UNC5CL: variants seen among roughly 807,000 people sequenced by gnomAD.
UNC5CL encodes unc-5 family C-terminal like.
A neutral mutation model predicts 54.1 loss-of-function variants in UNC5CL; 42 were observed. The ratio of observed to expected loss-of-function variants is 0.78; its 90% CI spans 0.61 to 1.00. The LOEUF (loss-of-function observed/expected upper bound fraction) is 1.00, where lower values mean the gene tolerates loss of function less well. UNC5CL is among the 50% of genes least tolerant of loss of function. UNC5CL has a pLI of 0.00. For missense variants in UNC5CL, 619 were observed against 675.6 expected (o/e 0.92, Z 0.93); for synonymous variants, 285 against 285.1 (o/e 1.00, Z 0.00).
At chr6:41,031,952 A>G in intron 5 of UNC5CL, 84 bp downstream of exon 5, 1 of 1,424,100 alleles carries the variant, frequency 7.0e-7, no homozygotes, top group Non-Finnish European at 9.9e-7. Context: ...GGGTCTGCAG[A>G]GCTCCAGGGT....
chr6:41,028,706 T>A lies in UNC5CL; in HGVS notation c.1335-111A>T. On this transcript the variant is annotated intron_variant, in intron 8 of 8. Coordinates refer to ENST00000244565, the MANE Select transcript of UNC5CL (RefSeq NM_173561.3). The surrounding 1 kb of genome is among the most constrained non-coding windows in gnomAD (Gnocchi z 4.3). The stretch of plus-strand genomic sequence containing the variant: ...CAAGGTCCGTCCCTTCCCCATCCTG[T>A]AGCTTTTGTCCTTGTCCTGCTCTTG... 1 of 1,036,782 alleles carries A rather than the reference T, an allele frequency of 9.6e-7. No homozygotes were observed. The highest frequency in any genetic ancestry group is 1.4e-6 in the Non-Finnish European group (1 of 723,022). The allele number at this position is 1,036,782 out of a possible 1,614,324, so 64.2% of individuals were successfully genotyped here.
At chr6:41,038,028 T>C (rs1342182391) in intron 1 of UNC5CL, among the ~76,000 whole-genome samples, 1 of 152,120 alleles carries the variant, frequency 6.6e-6, no homozygotes, top group Non-Finnish European at 1.5e-5. Flanking sequence ...ACAGTGAAGA[T>C]GGATAGGGAA....
intron 2 of UNC5CL, 82 bp downstream of exon 2, chr6:41,034,608 A>T: frequency 1.3e-6 from 2 of 1,499,032 alleles, no homozygotes; most frequent in East Asian, 2.3e-5. Flanking sequence ...AAAGGTGTCT[A>T]TGAACATTGC....
chr6:41,031,557 A>G (rs1762452752), intron 6 of UNC5CL, 124 bp downstream of exon 6: 7 of 949,850 alleles, frequency 7.4e-6, no homozygotes, highest in Non-Finnish European at 1.0e-5. Flanking sequence ...TGGGGGCTCT[A>G]TGGAAAGTGC....
intron 1 of UNC5CL, among the ~76,000 whole-genome samples, chr6:41,038,098 G>A: frequency 6.6e-6 from 1 of 152,186 alleles, no homozygotes; most frequent in South Asian, 2.1e-4. Context: ...GACTTCCAGA[G>A]ATACCCCCTT....
At position 41,028,643 on chromosome 6, in the gene UNC5CL, G is replaced by C; in HGVS notation, c.1335-48C>G. The C allele has an allele frequency of 6.4e-7, 1 of 1,550,694 alleles. No homozygotes were observed. The highest frequency in any genetic ancestry group is 8.8e-7 in the Non-Finnish European group (1 of 1,137,332). On this transcript the variant is annotated intron_variant, in intron 8 of 8. Transcript: ENST00000244565. The surrounding 1 kb of genome is among the most constrained non-coding windows in gnomAD (Gnocchi z 4.3). ...GAGAAGGGTGTAGGAGCAGGGAGGGGCTCCCCCCCTGCTGCAGGCTCCCTG... is the reference window on the plus strand; with the variant it reads ...GAGAAGGGTGTAGGAGCAGGGAGGGCCTCCCCCCCTGCTGCAGGCTCCCTG...
rs530712626 is a variant in UNC5CL at position 41,035,104 on chromosome 6, C to T, written c.-30G>A. 13 of 1,532,104 alleles carry T rather than the reference C, an allele frequency of 8.5e-6. No homozygotes were observed. The highest frequency in any genetic ancestry group is 2.0e-5 in the Admixed American group (1 of 51,188). 94.9% of individuals were successfully genotyped at this position (1,532,104 alleles called of 1,614,324 possible). On this transcript the variant is annotated 5_prime_UTR_variant, in exon 2 of 9. Coordinates refer to ENST00000244565, the MANE Select transcript of UNC5CL (RefSeq NM_173561.3). The stretch of plus-strand genomic sequence containing the variant: ...CTGGTTACTCAATGCCGCTGGCTCT[C>T]CTTCACCCCTGTGCCAGCCAAAGCC...
chr6:41,028,726 C>T lies in UNC5CL; in HGVS notation c.1335-131G>A. On this transcript the variant is annotated intron_variant, in intron 8 of 8. Transcript: ENST00000244565. The surrounding 1 kb of genome is among the most constrained non-coding windows in gnomAD (Gnocchi z 4.3). ...TCCTGTAGCTTTTGTCCTTGTCCTGCTCTTGCCTGCCTTCCAGGGCACAGG... is the reference window on the plus strand; with the variant it reads ...TCCTGTAGCTTTTGTCCTTGTCCTGTTCTTGCCTGCCTTCCAGGGCACAGG... The T allele has an allele frequency of 1.2e-6, 1 of 854,320 alleles. No individual in the cohort carries two copies. The highest frequency in any genetic ancestry group is 1.8e-6 in the Non-Finnish European group (1 of 566,978). 52.9% of individuals were successfully genotyped at this position (854,320 alleles called of 1,614,324 possible).
chr6:41,033,920 G>T lies in UNC5CL; in HGVS notation c.647C>A (p.Ala216Asp). The T allele has an allele frequency of 1.2e-6, 2 of 1,613,872 alleles. No individual in the cohort carries two copies. The highest frequency in any genetic ancestry group is 1.7e-6 in the Non-Finnish European group (2 of 1,179,862). Reference protein sequence around the residue: ...WRPLGRPGAHASRDECRIHLS... With the variant: ...WRPLGRPGAHDSRDECRIHLS... ...GTGGATGCGACACTCATCCCGGGAG[G>T]CGTGGGCCCCCGGCCGCCCCAGGGG... Residue 216 changes from alanine (A) to aspartate (D), a missense_variant, in exon 3 of 9, where the codon GCC becomes GAC. Coordinates refer to ENST00000244565, the MANE Select transcript of UNC5CL (RefSeq NM_173561.3).
Position 41,034,947 on chromosome 6 carries a change from C to A in UNC5CL, c.128G>T (p.Cys43Phe). ...WHCPRRLLGACWTLNGQEEPV... is the reference protein window; with the variant it reads ...WHCPRRLLGAFWTLNGQEEPV... ...TTCCTCTTGACCATTCAGTGTCCAG[C>A]AGGCCCCCAGCAGCCTTCTAGGGCA... The change falls in exon 2 of 9, where the codon TGC (cysteine) becomes TTC (phenylalanine). Residue 43 changes from cysteine to phenylalanine, a missense_variant. Physicochemically the swap from Cys to Phe is radical, Grantham distance 205. Transcript: ENST00000244565. The A allele has an allele frequency of 6.2e-7, 1 of 1,613,982 alleles. No individual in the cohort carries two copies. Among genetic ancestry groups the A allele is most frequent in the Non-Finnish European group, 8.5e-7 (1 of 1,179,882 alleles).
At position 41,029,371 on chromosome 6, in the gene UNC5CL, C is replaced by T. The variant is rs989269144; in HGVS notation, c.1335-776G>A. On this transcript the variant is annotated intron_variant, in intron 8 of 8. Coordinates refer to ENST00000244565, the MANE Select transcript of UNC5CL (RefSeq NM_173561.3). This position sits in a 1 kb window ranked among gnomAD's most constrained non-coding sequence, Gnocchi z 4.1. ...TCAGTTCAGACTTCTGGTCATAACG[C>T]CCGCAGTTCATTATTATTCTTGCTT... Among the ~76,000 whole-genome samples the T allele has an allele frequency of 3.3e-5, 5 of 152,226 alleles. No homozygotes were observed. Among genetic ancestry groups the T allele is most frequent in the East Asian group, 1.9e-4 (1 of 5,194 alleles).
In UNC5CL at chr6:41,028,395, A is replaced by G; in HGVS notation, c.1535T>C (p.Leu512Pro). ...ERGGARDNQG[L>P]ELDEKL Reference sequence around the variant, plus strand: ...CGCTCAGAGCTTCTCGTCCAGCTCCAGGCCCTGGTTATCCCGGGCGCCCCC... The same window carrying G: ...CGCTCAGAGCTTCTCGTCCAGCTCCGGGCCCTGGTTATCCCGGGCGCCCCC... Residue 512 changes from leucine (L) to proline (P), a missense_variant, in exon 9 of 9, where the codon CTG becomes CCG. Transcript: ENST00000244565. This position sits in a 1 kb window ranked among gnomAD's most constrained non-coding sequence, Gnocchi z 4.3. The G allele has an allele frequency of 6.3e-7, 1 of 1,598,226 alleles. No homozygotes were observed. Among genetic ancestry groups the G allele is most frequent in the Non-Finnish European group, 8.5e-7 (1 of 1,172,566 alleles).
chr6:41,032,859 T>A, intron 4 of UNC5CL, 25 bp downstream of exon 4: 2 of 1,568,370 alleles, frequency 1.3e-6, no homozygotes, highest in Non-Finnish European at 1.7e-6. Context: ...GATCATCCTA[T>A]CCCACAGGCC....
At chr6:41,038,662 C>A (rs527417999) in intron 1 of UNC5CL, among the ~76,000 whole-genome samples, 22 of 152,326 alleles carry the variant, frequency 1.4e-4, no homozygotes, top group Admixed American at 1.4e-3. Context: ...ACCCACTCCT[C>A]CAGTCTGTCT....
Position 41,030,395 on chromosome 6 carries a change from T to C in UNC5CL, c.1327A>G (p.Lys443Glu), listed in dbSNP as rs757000683. ...CCTCACCCCTCTTCCTACCGGATCT[T>C]CATGCCGCAAAGCCCCAGGTGGGAG... ...LASHLGLCGMKIRFLSCQRSP... is the reference protein window; with the variant it reads ...LASHLGLCGMEIRFLSCQRSP... Residue 443 changes from lysine (K) to glutamate (E), a missense_variant, in exon 8 of 9, where the codon AAG (lysine) becomes GAG (glutamate). By Grantham distance (56) the Lys-to-Glu change is moderately conservative (BLOSUM62 1). Coordinates refer to ENST00000244565, the MANE Select transcript of UNC5CL (RefSeq NM_173561.3). 6.2e-7 allele frequency: 1 copy of C among 1,613,992 alleles called. No individual in the cohort carries two copies. The highest frequency in any genetic ancestry group is 1.1e-5 in the South Asian group (1 of 91,084).
intron 3 of UNC5CL, chr6:41,033,674 G>A (rs907720291): frequency 1.0e-4 from 62 of 605,996 alleles, no homozygotes; most frequent in Middle Eastern, 4.3e-4. Context: ...GACAGCAATG[G>A]GATTTGCAGT....
rs763240866 is a variant in UNC5CL at position 41,033,963 on chromosome 6, C to G, written c.604G>C (p.Asp202His). ...RTYSSNTTLL[D>H]AKVWRPLGRP... ...CCCAGGGGCCTCCATACCTTGGCAT[C>G]CAGCAGGGTAGTGTTGCTGCTGTAG... The change falls in exon 3 of 9, where the codon GAT becomes CAT. Residue 202 changes from aspartate to histidine, a missense_variant. Physicochemically the swap from Asp to His is moderately conservative, Grantham distance 81. Coordinates refer to ENST00000244565, the MANE Select transcript of UNC5CL (RefSeq NM_173561.3). 1.2e-6 allele frequency: 2 copies of G among 1,614,162 alleles called. No homozygotes were observed. The highest frequency in any genetic ancestry group is 2.2e-5 in the South Asian group (2 of 91,082).
rs1263597397 is a variant in UNC5CL, at chr6:41,027,669, C to G, written c.*704G>C. ...CTAGCCGGGAAGCCTGGTCCTACCCCGGCCTCACACCCACGGGGATGGGCT... is the reference window on the plus strand; with the variant it reads ...CTAGCCGGGAAGCCTGGTCCTACCCGGGCCTCACACCCACGGGGATGGGCT... On this transcript the variant is annotated 3_prime_UTR_variant, in exon 9 of 9. Transcript: ENST00000244565. The G allele has an allele frequency of 6.6e-6, 1 of 152,226 alleles. No individual in the cohort carries two copies. The highest frequency in any genetic ancestry group is 1.9e-4 in the East Asian group (1 of 5,188). 9.4% of individuals were successfully genotyped at this position (152,226 alleles called of 1,614,324 possible). A position where few individuals can be genotyped will look rare whatever the true frequency, so the allele number is the denominator to read the frequency against.
At chr6:41,038,071 G>A (rs984976228) in intron 1 of UNC5CL, among the ~76,000 whole-genome samples, 2 of 152,124 alleles carry the variant, frequency 1.3e-5, no homozygotes, top group Admixed American at 6.5e-5. Flanking sequence ...CAGGAAGGAG[G>A]AGCAAAGACG....
Sources: gnomAD v4.1 joint callset for allele counts (sites outside exome capture counted in the v4.1 genomes callset) on GRCh38, gnomAD v4.1.1 for gene constraint, Gnocchi (gnomAD v3.1) non-coding constraint, MANE v1.5 for transcripts, NCBI Gene and HGNC (gene_info 2026-07-23, HGNC 2026-07-21) for gene names.